The following C2orf78 variants were observed in gnomAD, a reference collection of about 807,000 sequenced individuals.
C2orf78 encodes the protein uncharacterized protein C2orf78.
A neutral mutation model predicts 21.4 loss-of-function variants in C2orf78; 12 were observed. The ratio of observed to expected loss-of-function variants is 0.56; its 90% CI spans 0.36 to 0.91. The LOEUF (loss-of-function observed/expected upper bound fraction) is 0.91. C2orf78 is among the 40% of genes least tolerant of loss of function. The probability of loss-of-function intolerance (pLI) is 0.01; values close to 1 mark genes in which losing one functional copy is unlikely to be tolerated. For missense variants in C2orf78, 1,042 were observed against 1,092.4 expected, an observed-to-expected ratio of 0.95 and a Z score of 0.65; for synonymous variants, 396 against 413.9, an observed-to-expected ratio of 0.96 and a Z score of 0.52.
exon 3 of C2orf78, chr2:73,815,677 T>A: frequency 3.1e-6 from 5 of 1,613,844 alleles, no homozygotes; most frequent in South Asian, 1.1e-5. Flanking sequence ...GTAAATCAGG[T>A]GCAGGAAAAG....
chr2:73,785,898 T>C (rs1672917749), intron 1 of C2orf78, among the ~76,000 whole-genome samples: 1 of 151,792 alleles, frequency 6.6e-6, no homozygotes, highest in Admixed American at 6.6e-5. Flanking sequence ...AATACCAAAT[T>C]AGCCGGGCAT....
chr2:73,808,416 A>T (rs1395940239), intron 1 of C2orf78, among the ~76,000 whole-genome samples: 15 of 151,306 alleles, frequency 9.9e-5, no homozygotes, highest in Admixed American at 4.6e-4. Context: ...GTATTATATA[A>T]TATGAAATGT....
chr2:73,812,401 T>C (rs1673107462), intron 1 of C2orf78, among the ~76,000 whole-genome samples: 3 of 152,356 alleles, frequency 2.0e-5, no homozygotes, highest in Middle Eastern at 3.4e-3. Context: ...TCATATGTAA[T>C]CTATCACTTT....
chr2:73,813,293 C>A (rs1165543863), intron 1 of C2orf78, among the ~76,000 whole-genome samples, 184 bp from the exon 2 acceptor site: 1 of 152,182 alleles, frequency 6.6e-6, no homozygotes. Flanking sequence ...GACAGTTCAT[C>A]AGAAGAGGAC....
In C2orf78 at chr2:73,815,570, G is replaced by A. The variant is rs542572733; in HGVS notation, c.1347G>A (p.Glu449=). ...TGGCAGACATCACTACATGGGTGGA[G>A]GATACTTACCTCCCCCCGATCTTCA... Residue 449 remains glutamate, a synonymous_variant, in exon 3 of 3, where the codon GAG becomes GAA. Transcript: ENST00000409561. 1.8e-5 allele frequency: 29 copies of A among 1,613,918 alleles called. 1 individual carries two copies. The African/African-American group carries it at 3.1e-4, about 17-fold the overall frequency.
chr2:73,815,866 A>G (rs754133265), exon 3 of C2orf78: 7 of 1,613,630 alleles, frequency 4.3e-6, no homozygotes, highest in African/African-American at 4.0e-5. Flanking sequence ...AACAAGGCCA[A>G]GCATTCTAGC....
chr2:73,814,661 C>G (rs1051705776), intron 2 of C2orf78, among the ~76,000 whole-genome samples: 3 of 152,174 alleles, frequency 2.0e-5, no homozygotes, highest in Admixed American at 1.3e-4. Flanking sequence ...CAAACAGGCT[C>G]AGAATCTGTG....
intron 1 of C2orf78, among the ~76,000 whole-genome samples, chr2:73,811,208 T>C (rs1673082532): frequency 1.3e-5 from 2 of 151,824 alleles, no homozygotes; most frequent in South Asian, 4.1e-4. Context: ...GGAGAATCTC[T>C]GGAACCTGGG....
chr2:73,815,114 A>G (rs780643138), exon 3 of C2orf78: 5 of 1,613,644 alleles, frequency 3.1e-6, no homozygotes, highest in Non-Finnish European at 4.2e-6. Flanking sequence ...TGGGATTGCA[A>G]TCTCCAAGCC....
At chr2:73,807,587 G>A (rs541479876) in intron 1 of C2orf78, among the ~76,000 whole-genome samples, 89 of 38,562 alleles carry the variant, frequency 2.3e-3, no homozygotes, top group Non-Finnish European at 3.3e-3. Flanking sequence ...GCTAGAAGAG[G>A]GAAGGTCTGC....
exon 3 of C2orf78, chr2:73,815,128 C>T (rs1457142521): frequency 3.1e-6 from 5 of 1,613,954 alleles, no homozygotes; most frequent in Non-Finnish European, 4.2e-6. Flanking sequence ...CCAAGCCAGA[C>T]ATTTTGTCTG....
At chr2:73,815,168 C>T in exon 3 of C2orf78, 1 of 1,614,006 alleles carries the variant, frequency 6.2e-7, no homozygotes, top group Non-Finnish European at 8.5e-7. Context: ...CCAAGTCCTT[C>T]AGTAGCAGAA....
At chr2:73,810,685 CAT>C (rs1472627939) in intron 1 of C2orf78, among the ~76,000 whole-genome samples, 1 of 123,298 alleles carries the variant, frequency 8.1e-6, no homozygotes, top group Non-Finnish European at 1.6e-5. Flanking sequence ...ATAAAATATA[CAT>C]ATATATTTTA....
chr2:73,817,137 T>C (rs1673221145), exon 3 of C2orf78: 1 of 908,190 alleles, frequency 1.1e-6, no homozygotes, highest in Non-Finnish European at 1.5e-6. Flanking sequence ...AAAGAGGCCT[T>C]TTGAGTTTTG....
At chr2:73,809,695 C>G (rs375557823) in intron 1 of C2orf78, among the ~76,000 whole-genome samples, 1 of 152,074 alleles carries the variant, frequency 6.6e-6, no homozygotes, top group Non-Finnish European at 1.5e-5. Context: ...GAGGATCAGA[C>G]GCTGCTTGAG....
intron 1 of C2orf78, among the ~76,000 whole-genome samples, chr2:73,809,143 C>T (rs1673019944): frequency 1.3e-5 from 2 of 152,034 alleles, no homozygotes; most frequent in Admixed American, 6.6e-5. Context: ...CTGGTTATTC[C>T]CCCTGGCCTT....
At chr2:73,813,690 C>A (rs374721544) in exon 2 of C2orf78, 18 of 1,613,906 alleles carry the variant, frequency 1.1e-5, no homozygotes, top group Middle Eastern at 3.3e-4. Context: ...CATTCTAGCA[C>A]AACTATGTTG....
exon 3 of C2orf78, chr2:73,815,651 T>C (rs756321401): frequency 1.9e-6 from 3 of 1,613,950 alleles, no homozygotes; most frequent in Non-Finnish European, 2.5e-6. Flanking sequence ...AAGCCAAAGA[T>C]ACCAGTGCCA....
chr2:73,816,543 A>G, exon 3 of C2orf78: 3 of 1,613,918 alleles, frequency 1.9e-6, no homozygotes, highest in Non-Finnish European at 2.5e-6. Context: ...AGCTCCTACC[A>G]ACACATCTTT....
Sources: gnomAD v4.1 joint callset for allele counts (sites outside exome capture counted in the v4.1 genomes callset) on GRCh38, gnomAD v4.1.1 for gene constraint, MANE v1.5 for transcripts, NCBI Gene and HGNC (gene_info 2026-07-23, HGNC 2026-07-21) for gene names.